The following CHSY3 variants were observed in gnomAD, a reference collection of about 807,000 sequenced individuals.
CHSY3 encodes N-acetylgalactosaminyl-proteoglycan 3-beta-glucuronosyltransferase 3.
In CHSY3, 35 loss-of-function variants were observed where a neutral mutation model predicts 67.2. The ratio of observed to expected loss-of-function variants is 0.52; its 90% CI spans 0.40 to 0.69. CHSY3 has a LOEUF of 0.69. CHSY3 is among the 30% of genes least tolerant of loss of function. The pLI is 0.00. For synonymous variants in CHSY3, 474 were observed against 434.7 expected (o/e 1.09, Z -1.12); for missense variants, 1,069 against 1,138.5 (o/e 0.94, Z 0.88).
intron 2 of CHSY3, among the ~76,000 whole-genome samples, chr5:130,070,962 A>T (rs190766479): frequency 2.6e-5 from 4 of 152,066 alleles, no homozygotes; most frequent in African/African-American, 9.7e-5. Context: ...TGTAGCTTTC[A>T]TAGATAAAAC....
At chr5:130,125,944 T>A (rs1004740448) in intron 2 of CHSY3, among the ~76,000 whole-genome samples, 1 of 152,202 alleles carries the variant, frequency 6.6e-6, no homozygotes, top group Non-Finnish European at 1.5e-5. Flanking sequence ...TTAAATGAAA[T>A]GTTGCTTCCC....
Position 130,115,912 on chromosome 5 carries a change from C to G in CHSY3, c.1087-68317C>G, listed in dbSNP as rs149117414. Among the ~76,000 whole-genome samples the G allele has an allele frequency of 3.3e-5, 5 of 152,308 alleles. No homozygotes were observed. The East Asian group carries it at 9.7e-4, about 29-fold the overall frequency. ...GTGGCCCACCATCCCTGGAGTCTGA[C>G]TGAGCTCACGTCGACCTCCTTCTAC... On this transcript the variant is annotated intron_variant, in intron 2 of 2. Coordinates refer to ENST00000305031, the MANE Select transcript of CHSY3 (RefSeq NM_175856.5).
chr5:130,017,803 T>C (rs886853654), intron 2 of CHSY3, among the ~76,000 whole-genome samples: 1 of 152,040 alleles, frequency 6.6e-6, no homozygotes, highest in Non-Finnish European at 1.5e-5. Flanking sequence ...TAAAACATCA[T>C]GGAGATATTA....
intron 2 of CHSY3, among the ~76,000 whole-genome samples, chr5:130,049,235 G>A (rs1230097284): frequency 6.6e-6 from 1 of 152,026 alleles, no homozygotes. Context: ...CATGAGAGTT[G>A]AGAATTTTGA....
chr5:130,028,663 T>G (rs1422063792), intron 2 of CHSY3, among the ~76,000 whole-genome samples: 1 of 152,086 alleles, frequency 6.6e-6, no homozygotes, highest in African/African-American at 2.4e-5. Flanking sequence ...GTCCTAGTCC[T>G]GGGCTCATCT....
intron 2 of CHSY3, among the ~76,000 whole-genome samples, chr5:129,941,329 C>A (rs1456176144): frequency 6.6e-6 from 1 of 152,154 alleles, no homozygotes; most frequent in African/African-American, 2.4e-5. Flanking sequence ...ACATGCACAA[C>A]AAATGTATTA....
intron 2 of CHSY3, among the ~76,000 whole-genome samples, chr5:129,996,198 T>C (rs973399304): frequency 2.0e-5 from 3 of 152,142 alleles, no homozygotes; most frequent in Non-Finnish European, 4.4e-5. Flanking sequence ...GCAGCTGTTA[T>C]TATGAGGAAA....
intron 2 of CHSY3, among the ~76,000 whole-genome samples, chr5:129,934,192 T>C (rs1581381355): frequency 6.6e-6 from 1 of 152,100 alleles, no homozygotes; most frequent in African/African-American, 2.4e-5. Flanking sequence ...TTATATGAAA[T>C]AGAAAAATGC....
At chr5:130,069,877 T>C (rs1407214957) in intron 2 of CHSY3, among the ~76,000 whole-genome samples, 2 of 152,144 alleles carry the variant, frequency 1.3e-5, no homozygotes, top group Non-Finnish European at 2.9e-5. Flanking sequence ...CTGTCATAAA[T>C]TAAATGATTA....
At chr5:130,142,387 C>A (rs1768894396) in intron 2 of CHSY3, among the ~76,000 whole-genome samples, 1 of 152,122 alleles carries the variant, frequency 6.6e-6, no homozygotes, top group Non-Finnish European at 1.5e-5. Context: ...ATTTATTCTC[C>A]AAAGTAAGAG....
chr5:130,184,029 C>A (rs1258156205), intron 2 of CHSY3, among the ~76,000 whole-genome samples, 200 bp from the exon 3 acceptor site: 3 of 151,514 alleles, frequency 2.0e-5, no homozygotes, highest in African/African-American at 7.3e-5. Flanking sequence ...ATGATAAGTA[C>A]ATGGAATTTC....
chr5:129,997,522 T>TA (rs1381837588), intron 2 of CHSY3, among the ~76,000 whole-genome samples: 1 of 152,150 alleles, frequency 6.6e-6, no homozygotes, highest in African/African-American at 2.4e-5. Context: ...TCTTTTTTTT[T>TA]AATACTTTAA....
chr5:129,991,279 G>A (rs1257519243), intron 2 of CHSY3, among the ~76,000 whole-genome samples: 1 of 152,086 alleles, frequency 6.6e-6, no homozygotes, highest in African/African-American at 2.4e-5. Context: ...TAGTAATCTC[G>A]ATGAGAGATG....
At chr5:129,928,222 G>T (rs971457734) in intron 2 of CHSY3, among the ~76,000 whole-genome samples, 2 of 122,482 alleles carry the variant, frequency 1.6e-5, no homozygotes, top group Non-Finnish European at 3.2e-5. Flanking sequence ...AAAGGCTCCA[G>T]TACTCAACTT....
chr5:130,095,845 G>T (rs528347500), intron 2 of CHSY3, among the ~76,000 whole-genome samples: 1 of 152,316 alleles, frequency 6.6e-6, no homozygotes, highest in South Asian at 2.1e-4. Context: ...CCTAGCCGAG[G>T]TTAACATAAC....
intron 2 of CHSY3, among the ~76,000 whole-genome samples, chr5:130,099,440 A>G (rs1025852214): frequency 1.3e-5 from 2 of 152,330 alleles, no homozygotes; most frequent in African/African-American, 4.8e-5. Flanking sequence ...GGATGTAGTG[A>G]CTATGGAAAG....
intron 2 of CHSY3, among the ~76,000 whole-genome samples, chr5:130,030,690 A>T (rs1764679407): frequency 6.6e-6 from 1 of 152,074 alleles, no homozygotes; most frequent in South Asian, 2.1e-4. Context: ...AATACTAGTA[A>T]AACTATTATC....
rs145904797 is a variant in CHSY3, at chr5:129,933,713, T to G, written c.1086+25353T>G. On this transcript the variant is annotated intron_variant, in intron 2 of 2. Coordinates refer to ENST00000305031, the MANE Select transcript of CHSY3 (RefSeq NM_175856.5). ...AATAAGTATACCCCTGGAATGGGAT[T>G]TATATAACCCTACACTCATTTAACA... is the stretch of plus-strand genomic sequence containing the variant. Among the ~76,000 whole-genome samples, 580 of 152,218 alleles carry G rather than the reference T, an allele frequency of 3.8e-3. 8 individuals carry two copies. The highest frequency in any genetic ancestry group is 0.013 in the African/African-American group (546 of 41,562).
At chr5:130,179,955 T>C (rs995344899) in intron 2 of CHSY3, among the ~76,000 whole-genome samples, 1 of 152,222 alleles carries the variant, frequency 6.6e-6, no homozygotes, top group African/African-American at 2.4e-5. Context: ...AGGGTTTAAG[T>C]GTTTAATTCT....
Sources: gnomAD v4.1 joint callset for allele counts (sites outside exome capture counted in the v4.1 genomes callset) on GRCh38, gnomAD v4.1.1 for gene constraint, MANE v1.5 for transcripts, NCBI Gene and HGNC (gene_info 2026-07-23, HGNC 2026-07-21) for gene names.